Variants in LHFPL3 observed in about 807,000 individuals in gnomAD.
The protein encoded by LHFPL3 is LHFPL tetraspan subfamily member 3 protein.
LHFPL3 carries 5 observed loss-of-function variants against 19.3 expected under a neutral mutation model. The ratio of observed to expected loss-of-function variants is 0.26; its 90% CI spans 0.14 to 0.54. The LOEUF (loss-of-function observed/expected upper bound fraction) is 0.54, where lower values mean the gene tolerates loss of function less well. Ranked by LOEUF, LHFPL3 falls within the 20% of genes least tolerant of loss-of-function variation. The pLI is 0.94. For synonymous variants in LHFPL3, 133 were observed against 126.2 expected, an observed-to-expected ratio of 1.05 and a Z score of -0.36; for missense variants, 249 against 307.4, an observed-to-expected ratio of 0.81 and a Z score of 1.42.
intron 1 of LHFPL3, among the ~76,000 whole-genome samples, chr7:104,723,722 C>CAAAAAAAAAA (rs1167618176): frequency 2.1e-5 from 1 of 46,932 alleles, no homozygotes; most frequent in African/African-American, 9.7e-5. Context: ...ACTATGTCTC[C>CAAAAAAAAAA]AAAAAAAAAA....
intron 1 of LHFPL3, among the ~76,000 whole-genome samples, chr7:104,467,073 C>A (rs1281876491): frequency 6.8e-6 from 1 of 147,312 alleles, no homozygotes. Context: ...TTATCTAAAA[C>A]AATTTATTTT....
intron 1 of LHFPL3, among the ~76,000 whole-genome samples, chr7:104,597,879 A>G (rs1790894653): frequency 6.6e-6 from 1 of 152,238 alleles, no homozygotes; most frequent in African/African-American, 2.4e-5. Flanking sequence ...ACATATCTAA[A>G]CAGGATCTAG....
At chr7:104,502,038 G>A (rs756122045) in intron 1 of LHFPL3, among the ~76,000 whole-genome samples, 25 of 152,180 alleles carry the variant, frequency 1.6e-4, no homozygotes, top group Non-Finnish European at 2.1e-4. Flanking sequence ...GTGGAAATTA[G>A]ATTCCTGAAG....
rs536122769 is a variant in LHFPL3 at position 104,343,512 on chromosome 7, C to CAAAAAAAAAA, written c.445+14318_445+14327dup. On this transcript the variant is annotated intron_variant, in intron 1 of 2. Transcript: ENST00000424859. ...TGGGCAACAGAGTGAGACTCTGTCT[C>CAAAAAAAAAA]AAAAAAAAAAAAAAAAAAAAAAAAA... Among the ~76,000 whole-genome samples the CAAAAAAAAAA allele has an allele frequency of 4.4e-4, 21 of 47,476 alleles. 1 individual carries two copies. The highest frequency in any genetic ancestry group is 7.1e-4 in the Non-Finnish European group (17 of 24,042). 31.1% of individuals were successfully genotyped at this position (47,476 alleles called of 152,430 possible). A position where few individuals can be genotyped will look rare whatever the true frequency, so the allele number is the denominator to read the frequency against.
chr7:104,693,793 G>GTTTTT lies in LHFPL3; in HGVS notation c.446-42882_446-42881insTTTTT, dbSNP rs112118633. On this transcript the variant is annotated intron_variant, in intron 1 of 2. Transcript: ENST00000424859. The stretch of plus-strand genomic sequence containing the variant: ...CGCCACCACGCCCTGCTAATTGTGG[G>GTTTTT]GTTTTTTTTTTGTATTTTTAGTAGA... Among the ~76,000 whole-genome samples, 45 of 146,598 alleles carry GTTTTT rather than the reference G, an allele frequency of 3.1e-4. No individual in the cohort carries two copies. In the East Asian group the frequency reaches 7.9e-3, roughly 26 times the overall value.
At chr7:104,330,398 G>C (rs1278796001) in intron 1 of LHFPL3, among the ~76,000 whole-genome samples, 1 of 152,114 alleles carries the variant, frequency 6.6e-6, no homozygotes, top group Non-Finnish European at 1.5e-5. Flanking sequence ...AGATTTTGTC[G>C]TTTATTCTAT....
intron 1 of LHFPL3, among the ~76,000 whole-genome samples, chr7:104,373,795 T>C (rs1367918256): frequency 3.9e-5 from 6 of 152,154 alleles, no homozygotes; most frequent in African/African-American, 1.2e-4. Context: ...TTTTAATTAA[T>C]CTCTTTAGGT....
chr7:104,356,861 A>G (rs1361763223), intron 1 of LHFPL3, among the ~76,000 whole-genome samples: 2 of 152,194 alleles, frequency 1.3e-5, no homozygotes, highest in African/African-American at 4.8e-5. Flanking sequence ...GGTACTGGTC[A>G]TGGCTTGTTA....
chr7:104,503,283 G>A (rs1469238429), intron 1 of LHFPL3, among the ~76,000 whole-genome samples: 5 of 152,074 alleles, frequency 3.3e-5, no homozygotes, highest in Admixed American at 6.6e-5. Flanking sequence ...TTGGTAAAAA[G>A]AAGCAAACAC....
At chr7:104,355,965 CATT>C (rs1790265167) in intron 1 of LHFPL3, among the ~76,000 whole-genome samples, 2 of 152,120 alleles carry the variant, frequency 1.3e-5, no homozygotes, top group South Asian at 4.1e-4. Flanking sequence ...ATCTTTATAT[CATT>C]GATATAGTAC....
intron 1 of LHFPL3, among the ~76,000 whole-genome samples, chr7:104,520,468 A>G (rs914702249): frequency 3.7e-4 from 55 of 146,950 alleles, no homozygotes; most frequent in Admixed American, 1.4e-3. Flanking sequence ...TCGTAAAATG[A>G]GTTAGGGAGG....
intron 1 of LHFPL3, among the ~76,000 whole-genome samples, chr7:104,595,454 G>T (rs1790829587): frequency 6.6e-6 from 1 of 152,200 alleles, no homozygotes; most frequent in African/African-American, 2.4e-5. Flanking sequence ...AGAGGCAGCT[G>T]CCTATATGAG....
intron 1 of LHFPL3, among the ~76,000 whole-genome samples, chr7:104,549,560 C>A (rs1794631704): frequency 6.6e-6 from 1 of 151,708 alleles, no homozygotes; most frequent in African/African-American, 2.4e-5. Context: ...GTGGTAGGGA[C>A]CCACAAGGGA....
intron 2 of LHFPL3, among the ~76,000 whole-genome samples, chr7:104,837,215 T>A (rs988193518): frequency 6.6e-6 from 1 of 152,244 alleles, no homozygotes; most frequent in African/African-American, 2.4e-5. Context: ...CATGTTTGAT[T>A]GTCCATGTGC....
intron 2 of LHFPL3, among the ~76,000 whole-genome samples, chr7:104,751,308 G>A (rs1794165975): frequency 6.6e-6 from 1 of 151,214 alleles, no homozygotes. Context: ...ACATCTTGGA[G>A]CCTTGCCACA....
chr7:104,841,658 G>T (rs1387206555), intron 2 of LHFPL3, among the ~76,000 whole-genome samples: 1 of 151,904 alleles, frequency 6.6e-6, no homozygotes, highest in African/African-American at 2.4e-5. Flanking sequence ...ACTACCTGTT[G>T]GCTATCTCTC....
chr7:104,545,755 G>A (rs140657650), intron 1 of LHFPL3, among the ~76,000 whole-genome samples: 1 of 152,082 alleles, frequency 6.6e-6, no homozygotes, highest in African/African-American at 2.4e-5. Flanking sequence ...TCCTTCAAAG[G>A]CTCCCATAAT....
At chr7:104,739,238 T>C (rs913510390) in intron 2 of LHFPL3, among the ~76,000 whole-genome samples, 3 of 152,244 alleles carry the variant, frequency 2.0e-5, no homozygotes, top group Non-Finnish European at 4.4e-5. Flanking sequence ...GTACAAGATT[T>C]ACACTTGCTA....
chr7:104,800,049 C>T (rs1323918357), intron 2 of LHFPL3: 2 of 152,516 alleles, frequency 1.3e-5, no homozygotes. Flanking sequence ...AGGCTTTGGT[C>T]CTTTGGTGCT....
Sources: allele counts gnomAD v4.1 joint callset (sites outside exome capture counted in the v4.1 genomes callset), GRCh38; gene constraint gnomAD v4.1.1; transcripts MANE v1.5; gene names NCBI Gene and HGNC (gene_info 2026-07-23, HGNC 2026-07-21).